The following NALF1 variants were observed in gnomAD, a reference collection of about 807,000 sequenced individuals.
NALF1 encodes the protein NALCN channel auxiliary factor 1, also known as family with sequence similarity 155 member A.
Under a neutral mutation model 48.4 loss-of-function variants are expected in NALF1, and 3 were observed. The observed-to-expected ratio is 0.06, with a 90% CI of 0.03 to 0.16. The LOEUF (loss-of-function observed/expected upper bound fraction) is 0.16. NALF1 is among the 10% of genes least tolerant of loss of function. NALF1 has a pLI of 1.00. For synonymous variants in NALF1, 262 were observed against 245.7 expected, an observed-to-expected ratio of 1.07 and a Z score of -0.62; for missense variants, 526 against 571.5, an observed-to-expected ratio of 0.92 and a Z score of 0.81.
intron 1 of NALF1, among the ~76,000 whole-genome samples, chr13:107,543,972 A>G (rs1482512662): frequency 1.3e-5 from 2 of 152,108 alleles, no homozygotes; most frequent in African/African-American, 4.8e-5. Context: ...TCAATTCTAT[A>G]TAACCAATTT....
At chr13:107,411,305 T>G (rs1323670) in intron 1 of NALF1, among the ~76,000 whole-genome samples, 26 of 101,628 alleles carry the variant, frequency 2.6e-4, no homozygotes, top group South Asian at 9.9e-4. Context: ...AATCTTGTTT[T>G]TTTTTTTTTT....
At chr13:107,807,102 T>C (rs1158211107) in intron 1 of NALF1, among the ~76,000 whole-genome samples, 1 of 152,190 alleles carries the variant, frequency 6.6e-6, no homozygotes, top group East Asian at 1.9e-4. Context: ...ATTCTTTCAT[T>C]ATTAATCCCT....
chr13:107,174,667 C>T (rs972468185), intron 2 of NALF1, among the ~76,000 whole-genome samples: 5 of 151,432 alleles, frequency 3.3e-5, no homozygotes, highest in African/African-American at 1.2e-4. Context: ...GATGGAGGAA[C>T]TTTTGAAATT....
intron 2 of NALF1, among the ~76,000 whole-genome samples, chr13:107,177,504 A>G (rs187454762): frequency 8.9e-4 from 135 of 152,348 alleles, no homozygotes; most frequent in Middle Eastern, 3.4e-3. Context: ...TGTACTGCAG[A>G]GGTACAGTCA....
At chr13:107,659,212 C>T (rs1196231332) in intron 1 of NALF1, among the ~76,000 whole-genome samples, 5 of 152,008 alleles carry the variant, frequency 3.3e-5, no homozygotes, top group Admixed American at 6.6e-5. Flanking sequence ...GTCACGTTCC[C>T]CTGGGAAGCC....
At chr13:107,561,240 G>A (rs1482953393) in intron 1 of NALF1, among the ~76,000 whole-genome samples, 1 of 152,156 alleles carries the variant, frequency 6.6e-6, no homozygotes, top group Non-Finnish European at 1.5e-5. Context: ...CCCCTGTTCT[G>A]ATGGAGAATC....
intron 1 of NALF1, among the ~76,000 whole-genome samples, chr13:107,532,954 C>T (rs914186257): frequency 6.6e-6 from 1 of 151,828 alleles, no homozygotes; most frequent in Non-Finnish European, 1.5e-5. Flanking sequence ...AAAACAGTAG[C>T]CATTAACATA....
chr13:107,717,310 T>C (rs1276607426), intron 1 of NALF1, among the ~76,000 whole-genome samples: 2 of 152,176 alleles, frequency 1.3e-5, no homozygotes, highest in African/African-American at 4.8e-5. Flanking sequence ...GGTGCCCCAA[T>C]CGGCAGCATG....
chr13:107,796,148 T>C (rs918047978), intron 1 of NALF1, among the ~76,000 whole-genome samples: 3 of 152,234 alleles, frequency 2.0e-5, no homozygotes, highest in Admixed American at 6.5e-5. Flanking sequence ...AGATTAATAA[T>C]CCCCCTTAAA....
chr13:107,829,721 T>TA, intron 1 of NALF1, among the ~76,000 whole-genome samples: 1 of 152,302 alleles, frequency 6.6e-6, no homozygotes, highest in East Asian at 1.9e-4. Context: ...TGCTGCTCCA[T>TA]AAACACGGAT....
intron 1 of NALF1, among the ~76,000 whole-genome samples, chr13:107,588,661 G>A (rs1878522971): frequency 1.3e-5 from 2 of 152,056 alleles, no homozygotes; most frequent in Admixed American, 1.3e-4. Flanking sequence ...TTGACATGTA[G>A]TCTTTTAAAT....
chr13:107,350,023 G>A (rs1323962219), intron 1 of NALF1, among the ~76,000 whole-genome samples: 1 of 152,108 alleles, frequency 6.6e-6, no homozygotes, highest in Non-Finnish European at 1.5e-5. Flanking sequence ...TCCCTCACAT[G>A]CGCAGTTCAC....
chr13:107,314,690 C>T (rs1882110704), intron 1 of NALF1, among the ~76,000 whole-genome samples: 1 of 152,156 alleles, frequency 6.6e-6, no homozygotes. Flanking sequence ...CCACTGAGCT[C>T]ATCCCACAGG....
chr13:107,753,913 ATAACATGGAC>A (rs1877011106), intron 1 of NALF1, among the ~76,000 whole-genome samples: 1 of 152,166 alleles, frequency 6.6e-6, no homozygotes, highest in Non-Finnish European at 1.5e-5. Flanking sequence ...GAAAAGAGTG[ATAACATGGAC>A]AAACGGCAGA....
intron 1 of NALF1, among the ~76,000 whole-genome samples, chr13:107,515,415 TA>T (rs1195592694): frequency 2.0e-5 from 3 of 152,158 alleles, no homozygotes; most frequent in African/African-American, 7.2e-5. Context: ...CAAAGTTCTT[TA>T]ACCCATTTAC....
rs1167301335 is a variant in NALF1, at chr13:107,325,881, TATATATAC to T, written c.916-115134_916-115127del. On this transcript the variant is annotated intron_variant, in intron 1 of 2. Transcript: ENST00000375915. ...ATATATATATATATATATATATATATATATATACACACACACACACACACACATATATA... is the reference window on the plus strand; with the variant it reads ...ATATATATATATATATATATATATATACACACACACACACACACATATATA... Among the ~76,000 whole-genome samples the T allele has an allele frequency of 3.6e-3, 382 of 107,030 alleles. 2 individuals carry two copies. Among genetic ancestry groups the T allele is most frequent in the African/African-American group, 0.01 (324 of 32,018 alleles). The allele number at this position is 107,030 out of a possible 152,430, so 70.2% of individuals were successfully genotyped here. A position where few individuals can be genotyped will look rare whatever the true frequency, so the allele number is the denominator to read the frequency against.
Position 107,166,225 on chromosome 13 carries a change from C to G in NALF1, c.*4272G>C, listed in dbSNP as rs565559865. The stretch of plus-strand genomic sequence containing the variant: ...CCCAAGGTCAGGAGTTCAAGACTAG[C>G]CTGGCCAACATGGCGACACCACGTC... On this transcript the variant is annotated 3_prime_UTR_variant, in exon 3 of 3. Transcript: ENST00000375915. 1 of 152,266 alleles carries G rather than the reference C, an allele frequency of 6.6e-6. No homozygotes were observed. The highest frequency in any genetic ancestry group is 2.1e-4 in the South Asian group (1 of 4,816). The allele number at this position is 152,266 out of a possible 1,614,324, so 9.4% of individuals were successfully genotyped here.
intron 1 of NALF1, among the ~76,000 whole-genome samples, chr13:107,461,797 T>G (rs115426917): frequency 0.019 from 2,892 of 152,252 alleles, 106 homozygotes; most frequent in African/African-American, 0.066. Flanking sequence ...CATTGTGGAT[T>G]TTTTAGTGTG....
intron 1 of NALF1, among the ~76,000 whole-genome samples, chr13:107,250,022 GA>G (rs1880665399): frequency 2.6e-5 from 4 of 151,416 alleles, no homozygotes; most frequent in Non-Finnish European, 5.9e-5. Context: ...AATTAAAACA[GA>G]TTCTCTAGGG....
Sources: allele counts gnomAD v4.1 joint callset (sites outside exome capture counted in the v4.1 genomes callset), GRCh38; gene constraint gnomAD v4.1.1; transcripts MANE v1.5; gene names NCBI Gene and HGNC (gene_info 2026-07-23, HGNC 2026-07-21).